The following MAP2K5 variants were observed in gnomAD, a reference collection of about 807,000 sequenced individuals.
MAP2K5 encodes the protein mitogen-activated protein kinase kinase 5, also known as dual specificity mitogen-activated protein kinase kinase 5.
In MAP2K5, 49 loss-of-function variants were observed where a neutral mutation model predicts 83.1. That is an observed-to-expected ratio of 0.59 (90% CI 0.47 to 0.75). The LOEUF (loss-of-function observed/expected upper bound fraction) is 0.75. Among genes scored for constraint, MAP2K5 ranks in the 30% least tolerant of loss-of-function variants. The probability of loss-of-function intolerance (pLI) is 0.00; values close to 1 mark genes in which losing one functional copy is unlikely to be tolerated. For synonymous variants in MAP2K5, 202 were observed against 191.8 expected, an observed-to-expected ratio of 1.05 and a Z score of -0.44; for missense variants, 457 against 557.5, an observed-to-expected ratio of 0.82 and a Z score of 1.82.
At position 67,543,271 on chromosome 15, in the gene MAP2K5, G is replaced by GC; in HGVS notation, c.-60dup. 1.3e-6 allele frequency: 2 copies of GC among 1,576,908 alleles called. No homozygotes were observed. Among genetic ancestry groups the GC allele is most frequent in the Admixed American group, 3.4e-5 (2 of 59,634 alleles). ...GTCACTCCCCTTGTCACCTCTTGGAGCCCCCTCCTAACCAGCGGCCAGTGG... is the reference window on the plus strand; with the variant it reads ...GTCACTCCCCTTGTCACCTCTTGGAGCCCCCCTCCTAACCAGCGGCCAGTGG... On this transcript the variant is annotated 5_prime_UTR_variant, in exon 1 of 22. Transcript: ENST00000178640. This position sits in a 1 kb window ranked among gnomAD's most constrained non-coding sequence, Gnocchi z 4.3.
intron 17 of MAP2K5, among the ~76,000 whole-genome samples, chr15:67,734,470 G>A (rs908422173): frequency 6.6e-6 from 1 of 152,100 alleles, no homozygotes; most frequent in Admixed American, 6.6e-5. Context: ...AGAGTAGAAA[G>A]CATATGTTCT....
chr15:67,738,943 A>G lies in MAP2K5; in HGVS notation c.1075-9288A>G, dbSNP rs1596885044. On this transcript the variant is annotated intron_variant, in intron 17 of 21. Transcript: ENST00000178640. This position sits in a 1 kb window ranked among gnomAD's most constrained non-coding sequence, Gnocchi z 4.1. ...AGTTTACTGAAACCTGATTGTACCT[A>G]TATCAAAATATGGGAGGTGTGAAGT... Among the ~76,000 whole-genome samples the G allele has an allele frequency of 6.6e-6, 1 of 152,036 alleles. No individual in the cohort carries two copies. The highest frequency in any genetic ancestry group is 1.5e-5 in the Non-Finnish European group (1 of 68,004).
intron 11 of MAP2K5, among the ~76,000 whole-genome samples, chr15:67,655,789 T>C (rs572763424): frequency 1.0e-3 from 158 of 152,316 alleles, no homozygotes; most frequent in Non-Finnish European, 2.0e-3. Flanking sequence ...GTCATTGTTT[T>C]CTGAAATATT....
rs186087065 is a variant in MAP2K5 at position 67,669,171 on chromosome 15, G to A, written c.847+4526G>A. Among the ~76,000 whole-genome samples the A allele has an allele frequency of 6.8e-4, 104 of 152,180 alleles. 1 individual carries two copies. The East Asian group carries it at 7.3e-3, about 11-fold the overall frequency. ...CGTTCTAGGCGCTTTCACAGTACTTGAAACACATCAATATGTGAAACAAAA... is the reference window on the plus strand; with the variant it reads ...CGTTCTAGGCGCTTTCACAGTACTTAAAACACATCAATATGTGAAACAAAA... On this transcript the variant is annotated intron_variant, in intron 13 of 21. Transcript: ENST00000178640.
rs2141271972 is a variant in MAP2K5, at chr15:67,746,786, C to T, written c.1075-1445C>T. Among the ~76,000 whole-genome samples, 3 of 152,266 alleles carry T rather than the reference C, an allele frequency of 2.0e-5. No individual in the cohort carries two copies. In the South Asian group the frequency reaches 6.2e-4, roughly 32 times the overall value. ...GGAAGTGATGAAAAGCCAATAAGAGCAATGAGTGGGCGCCGTGTTCATTTG... is the reference window on the plus strand; with the variant it reads ...GGAAGTGATGAAAAGCCAATAAGAGTAATGAGTGGGCGCCGTGTTCATTTG... On this transcript the variant is annotated intron_variant, in intron 17 of 21. Coordinates refer to ENST00000178640, the MANE Select transcript of MAP2K5 (RefSeq NM_145160.3). This position sits in a 1 kb window ranked among gnomAD's most constrained non-coding sequence, Gnocchi z 4.1.
rs148954499 is a variant in MAP2K5 at position 67,750,559 on chromosome 15, G to T, written c.1134+1958G>T. On this transcript the variant is annotated intron_variant, in intron 19 of 21. Transcript: ENST00000178640. This position sits in a 1 kb window ranked among gnomAD's most constrained non-coding sequence, Gnocchi z 4.2. Reference sequence around the variant, plus strand: ...ACTGATTGCATCAGAATTACCTAAGGCTCTTGTTGTAATGCAAATTCCTGA... The same window carrying T: ...ACTGATTGCATCAGAATTACCTAAGTCTCTTGTTGTAATGCAAATTCCTGA... Among the ~76,000 whole-genome samples the T allele has an allele frequency of 7.2e-3, 1,096 of 152,218 alleles. 10 individuals are homozygous for T. Among genetic ancestry groups the T allele is most frequent in the Non-Finnish European group, 0.012 (790 of 68,014 alleles).
At chr15:67,549,929 C>T (rs992135288) in intron 1 of MAP2K5, 105 bp from the exon 2 acceptor site, 34 of 807,828 alleles carry the variant, frequency 4.2e-5, no homozygotes, top group Non-Finnish European at 6.3e-5. Flanking sequence ...TTTATGCTAA[C>T]GTTTCAAAAA....
Position 67,742,833 on chromosome 15 carries a change from G to A in MAP2K5, c.1075-5398G>A, listed in dbSNP as rs560088893. Among the ~76,000 whole-genome samples the A allele has an allele frequency of 3.3e-5, 5 of 152,320 alleles. No homozygotes were observed. The East Asian group carries it at 9.6e-4, about 29-fold the overall frequency. On this transcript the variant is annotated intron_variant, in intron 17 of 21. Transcript: ENST00000178640. The stretch of plus-strand genomic sequence containing the variant: ...TGGCTCTTATACACCTATGTGGTGT[G>A]GGACATGAGCTATGTCAATTTTAAA...
chr15:67,656,688 A>G (rs1333686671), intron 11 of MAP2K5, among the ~76,000 whole-genome samples: 1 of 152,140 alleles, frequency 6.6e-6, no homozygotes, highest in African/African-American at 2.4e-5. Flanking sequence ...GAGCTCTGCC[A>G]TCAGCTGACT....
At chr15:67,692,165 C>T (rs1458662472) in intron 13 of MAP2K5, among the ~76,000 whole-genome samples, 1 of 152,156 alleles carries the variant, frequency 6.6e-6, no homozygotes, top group Non-Finnish European at 1.5e-5. Flanking sequence ...TATCTACCTA[C>T]TTTTCCTGAA....
chr15:67,565,798 T>TA lies in MAP2K5; in HGVS notation c.252+2449dup, dbSNP rs1259745179. Reference sequence around the variant, plus strand: ...AATTTAAAAAAATTTTTTGTAGAGATAGGGTCTTGCTTTGTTGCCCAGGTT... The same window carrying TA: ...AATTTAAAAAAATTTTTTGTAGAGATAAGGGTCTTGCTTTGTTGCCCAGGTT... On this transcript the variant is annotated intron_variant, in intron 3 of 21. Coordinates refer to ENST00000178640, the MANE Select transcript of MAP2K5 (RefSeq NM_145160.3). The surrounding 1 kb of genome is among the most constrained non-coding windows in gnomAD (Gnocchi z 4.1). 6.6e-6 allele frequency among the ~76,000 whole-genome samples: 1 copy of TA among 151,854 alleles called. No homozygotes were observed. The highest frequency in any genetic ancestry group is 2.4e-5 in the African/African-American group (1 of 41,336).
intron 8 of MAP2K5, among the ~76,000 whole-genome samples, chr15:67,615,641 A>G (rs886575479): frequency 6.6e-6 from 1 of 152,164 alleles, no homozygotes; most frequent in African/African-American, 2.4e-5. Context: ...ATAAACCTAA[A>G]AAGACCAAGA....
intron 3 of MAP2K5, among the ~76,000 whole-genome samples, chr15:67,575,848 C>T (rs1037731209): frequency 6.6e-6 from 1 of 151,322 alleles, no homozygotes; most frequent in Non-Finnish European, 1.5e-5. Context: ...GGTTAGTTCT[C>T]TCCCTCTATC....
chr15:67,579,152 G>C (rs1184207901), intron 3 of MAP2K5, among the ~76,000 whole-genome samples: 1 of 152,130 alleles, frequency 6.6e-6, no homozygotes, highest in South Asian at 2.1e-4. Context: ...AGAAGCAAGG[G>C]GGTACATGCT....
At chr15:67,643,724 C>T (rs1484973875) in intron 9 of MAP2K5, among the ~76,000 whole-genome samples, 1 of 152,144 alleles carries the variant, frequency 6.6e-6, no homozygotes, top group African/African-American at 2.4e-5. Flanking sequence ...GCTGGGATTA[C>T]AGGCGTGAGC....
chr15:67,581,055 T>C (rs2085170465), intron 4 of MAP2K5, among the ~76,000 whole-genome samples: 1 of 152,204 alleles, frequency 6.6e-6, no homozygotes. Flanking sequence ...GTTTTTGAAG[T>C]ACATACTTAC....
chr15:67,760,447 A>C lies in MAP2K5; in HGVS notation c.1135-9155A>C, dbSNP rs2089927393. On this transcript the variant is annotated intron_variant, in intron 19 of 21. Transcript: ENST00000178640. The surrounding 1 kb of genome is among the most constrained non-coding windows in gnomAD (Gnocchi z 4.1). ...AGATTTTATTAACTATTGCTGAAAAAAATCTATATTTTTATTATTTCCAAG... is the reference window on the plus strand; with the variant it reads ...AGATTTTATTAACTATTGCTGAAAACAATCTATATTTTTATTATTTCCAAG... 6.6e-6 allele frequency among the ~76,000 whole-genome samples: 1 copy of C among 152,228 alleles called. No homozygotes were observed. The highest frequency in any genetic ancestry group is 6.5e-5 in the Admixed American group (1 of 15,276).
In MAP2K5 at chr15:67,785,493, C is replaced by G. The variant is rs370085676; in HGVS notation, c.1242+12741C>G. Among the ~76,000 whole-genome samples, 17 of 152,310 alleles carry G rather than the reference C, an allele frequency of 1.1e-4. 1 individual carries two copies. The highest frequency in any genetic ancestry group is 5.8e-4 in the East Asian group (3 of 5,184). Reference sequence around the variant, plus strand: ...TACAGAGGGCTATCAGACACTAATCCAGCAAACACAAATCCATCATACATG... The same window carrying G: ...TACAGAGGGCTATCAGACACTAATCGAGCAAACACAAATCCATCATACATG... On this transcript the variant is annotated intron_variant, in intron 21 of 21. Coordinates refer to ENST00000178640, the MANE Select transcript of MAP2K5 (RefSeq NM_145160.3). This position sits in a 1 kb window ranked among gnomAD's most constrained non-coding sequence, Gnocchi z 4.4.
At chr15:67,727,989 C>A (rs754758691) in intron 17 of MAP2K5, 44 bp downstream of exon 17, 2 of 1,536,254 alleles carry the variant, frequency 1.3e-6, no homozygotes, top group South Asian at 1.1e-5. Context: ...GACATTCATT[C>A]CTATGTATGA....
Sources: allele counts gnomAD v4.1 joint callset (sites outside exome capture counted in the v4.1 genomes callset), GRCh38; gene constraint gnomAD v4.1.1; non-coding constraint Gnocchi (gnomAD v3.1); transcripts MANE v1.5; gene names NCBI Gene and HGNC (gene_info 2026-07-23, HGNC 2026-07-21).